FBN2: variants seen among roughly 807,000 people sequenced by gnomAD.
FBN2 encodes fibrillin 2.
A neutral mutation model predicts 355.6 loss-of-function variants in FBN2; 105 were observed. That is an observed-to-expected ratio of 0.30 (90% CI 0.25 to 0.35). The LOEUF (loss-of-function observed/expected upper bound fraction) is 0.35, where lower values mean the gene tolerates loss of function less well. FBN2 is among the 10% of genes least tolerant of loss of function. The pLI, the probability that FBN2 is intolerant of heterozygous loss-of-function variation, is 1.00. For missense variants in FBN2, 3,280 were observed against 3,758.7 expected (o/e 0.87, Z 3.33); for synonymous variants, 1,350 against 1,301.2 (o/e 1.04, Z -0.81).
intron 7 of FBN2, among the ~76,000 whole-genome samples, chr5:128,423,425 G>A (rs1753404564): frequency 6.6e-6 from 1 of 152,088 alleles, no homozygotes; most frequent in Non-Finnish European, 1.5e-5. Context: ...ATGTGTAAGG[G>A]AACTCCCCTT....
chr5:128,471,468 T>C (rs1754858516), intron 5 of FBN2, among the ~76,000 whole-genome samples: 1 of 152,168 alleles, frequency 6.6e-6, no homozygotes, highest in African/African-American at 2.4e-5. Flanking sequence ...CTGATATAAT[T>C]GCCTTCCTTG....
chr5:128,472,210 C>T (rs891040154), intron 5 of FBN2, among the ~76,000 whole-genome samples: 3 of 152,116 alleles, frequency 2.0e-5, no homozygotes, highest in African/African-American at 7.2e-5. Flanking sequence ...ACACATGTTG[C>T]AACATGGATG....
chr5:128,331,959 A>C (rs1243596439), intron 32 of FBN2, among the ~76,000 whole-genome samples: 1 of 152,186 alleles, frequency 6.6e-6, no homozygotes, highest in Non-Finnish European at 1.5e-5. Flanking sequence ...AAGTTATGAT[A>C]GTAACCCTGG....
intron 62 of FBN2, among the ~76,000 whole-genome samples, chr5:128,268,530 G>T (rs1765177747): frequency 6.6e-6 from 1 of 152,110 alleles, no homozygotes; most frequent in South Asian, 2.1e-4. Context: ...TTTTATGAAG[G>T]TAGCATCATC....
intron 5 of FBN2, among the ~76,000 whole-genome samples, chr5:128,472,637 C>A (rs535707888): frequency 6.6e-6 from 1 of 151,914 alleles, no homozygotes; most frequent in South Asian, 2.1e-4. Context: ...ACTAAAAATA[C>A]GAAATTAGCT....
In FBN2 at chr5:128,311,215, T is replaced by C. The variant is rs776184884; in HGVS notation, c.5074+85A>G. On this transcript the variant is annotated intron_variant, in intron 39 of 64. Transcript: ENST00000262464. ...AATCTTAATTGAGCCTTTTGTAGAA[T>C]GTGAGGATGGGCCTTTCCCTCAGGC... The C allele has an allele frequency of 8.4e-6, 12 of 1,425,516 alleles. No individual in the cohort carries two copies. In the African/African-American group the frequency reaches 8.4e-5, roughly 10 times the overall value. 88.3% of individuals were successfully genotyped at this position (1,425,516 alleles called of 1,614,324 possible). A position where few individuals can be genotyped will look rare whatever the true frequency, so the allele number is the denominator to read the frequency against.
chr5:128,437,087 C>T (rs1753785561), intron 7 of FBN2, among the ~76,000 whole-genome samples: 1 of 152,204 alleles, frequency 6.6e-6, no homozygotes, highest in African/African-American at 2.4e-5. Flanking sequence ...ACAGGACAGA[C>T]ATATTCCTTG....
intron 34 of FBN2, among the ~76,000 whole-genome samples, chr5:128,324,937 C>G (rs1478122124): frequency 1.3e-5 from 2 of 152,028 alleles, no homozygotes; most frequent in Non-Finnish European, 2.9e-5. Flanking sequence ...GTTTCTTAAC[C>G]CTGAGTTCTA....
Position 128,369,171 on chromosome 5 carries a change from CAT to C in FBN2, c.2248+9_2248+10del. 2.5e-6 allele frequency: 4 copies of C among 1,614,028 alleles called. No homozygotes were observed. The highest frequency in any genetic ancestry group is 2.5e-6 in the Non-Finnish European group (3 of 1,179,918). On this transcript the variant is annotated intron_variant, in intron 16 of 64. Coordinates refer to ENST00000262464, the MANE Select transcript of FBN2 (RefSeq NM_001999.4). The stretch of plus-strand genomic sequence containing the variant: ...TTCTTTATCAACTGTGAAAATGGCA[CAT>C]GTGACTACCTGAATTTTTTGCAGGG...
At chr5:128,537,265 C>T in intron 1 of FBN2, 85 bp downstream of exon 1, 2 of 1,578,196 alleles carry the variant, frequency 1.3e-6, no homozygotes, top group Non-Finnish European at 8.6e-7. Context: ...GGGTCTGGGA[C>T]GGAGTGGGCC....
intron 15 of FBN2, among the ~76,000 whole-genome samples, chr5:128,373,219 T>C (rs1218463649): frequency 6.6e-6 from 1 of 152,160 alleles, no homozygotes; most frequent in East Asian, 1.9e-4. Context: ...AATTTCTCCC[T>C]CCAAAACTGG....
At chr5:128,449,732 G>A (rs962011672) in intron 6 of FBN2, among the ~76,000 whole-genome samples, 5 of 151,504 alleles carry the variant, frequency 3.3e-5, no homozygotes, top group Non-Finnish European at 5.9e-5. Context: ...TCAGTGGTAC[G>A]AAAAATTCCA....
In FBN2 at chr5:128,502,866, C is replaced by A. The variant is rs76250784; in HGVS notation, c.628+16407G>T. ...GCAGAAAATTCCTCTTCTTTATGTG[C>A]TATGACACTTTCTTTGTTCAACATA... On this transcript the variant is annotated intron_variant, in intron 5 of 64. Coordinates refer to ENST00000262464, the MANE Select transcript of FBN2 (RefSeq NM_001999.4). Among the ~76,000 whole-genome samples the A allele has an allele frequency of 3.0e-3, 462 of 152,280 alleles. 1 individual carries two copies. The highest frequency in any genetic ancestry group is 0.011 in the African/African-American group (439 of 41,558).
At position 128,318,917 on chromosome 5, in the gene FBN2, T is replaced by C; in HGVS notation, c.4556A>G (p.Asp1519Gly). 1 of 1,613,368 alleles carries C rather than the reference T, an allele frequency of 6.2e-7. No homozygotes were observed. The part of the protein sequence containing the change: ...LPGMFHCICD[D>G]GYELDRTGGN... ...TCCTGTTCTGTCCAATTCATAACCA[T>C]CATCGCAGATGCAATGAAACATTCC... The change falls in exon 35 of 65, where the codon GAT becomes GGT. Residue 1519 changes from aspartate (D) to glycine (G), a missense_variant. Physicochemically the swap from Asp to Gly is moderately conservative, Grantham distance 94. Transcript: ENST00000262464.
intron 25 of FBN2, among the ~76,000 whole-genome samples, chr5:128,341,825 T>C (rs967478131): frequency 6.6e-6 from 1 of 152,366 alleles, no homozygotes; most frequent in Admixed American, 6.5e-5. Flanking sequence ...CCTGAGGAGC[T>C]TAACCTGCCT....
At chr5:128,515,532 A>G (rs1418124385) in intron 5 of FBN2, among the ~76,000 whole-genome samples, 1 of 152,170 alleles carries the variant, frequency 6.6e-6, no homozygotes, top group Non-Finnish European at 1.5e-5. Context: ...GCAGAGATGG[A>G]GTGACTCCTT....
At chr5:128,475,991 A>C (rs956414180) in intron 5 of FBN2, among the ~76,000 whole-genome samples, 1 of 152,190 alleles carries the variant, frequency 6.6e-6, no homozygotes, top group Admixed American at 6.5e-5. Context: ...TTATTCCTAC[A>C]ATCTCAATTT....
At chr5:128,487,783 G>A (rs1464391312) in intron 5 of FBN2, among the ~76,000 whole-genome samples, 1 of 152,028 alleles carries the variant, frequency 6.6e-6, no homozygotes, top group African/African-American at 2.4e-5. Flanking sequence ...AAATTATCCA[G>A]CACAATAACT....
intron 7 of FBN2, among the ~76,000 whole-genome samples, chr5:128,444,068 TTTTTTTTTTTTTTTTG>T: frequency 8.7e-6 from 1 of 115,224 alleles, no homozygotes. Context: ...TTTTTTTTTT[TTTTTTTTTTTTTTTTG>T]AGACGGAGTC....
Sources: allele counts gnomAD v4.1 joint callset (sites outside exome capture counted in the v4.1 genomes callset), GRCh38; gene constraint gnomAD v4.1.1; transcripts MANE v1.5; gene names NCBI Gene and HGNC (gene_info 2026-07-23, HGNC 2026-07-21).